RAB27B: variants seen among roughly 807,000 people sequenced by gnomAD.
RAB27B encodes the protein ras-related protein Rab-27B.
RAB27B carries 15 observed loss-of-function variants against 24.6 expected under a neutral mutation model. The observed-to-expected ratio is 0.61, with a 90% confidence interval of 0.41 to 0.94. The LOEUF is 0.94. RAB27B is among the 40% of genes least tolerant of loss of function. RAB27B has a pLI of 0.00. For synonymous variants in RAB27B, 105 were observed against 92.5 expected (o/e 1.14, Z -0.78); for missense variants, 261 against 266.8 (o/e 0.98, Z 0.15).
chr18:54,872,688 G>A (rs1000291106), intron 1 of RAB27B, among the ~76,000 whole-genome samples: 2 of 151,772 alleles, frequency 1.3e-5, no homozygotes, highest in Admixed American at 6.6e-5. Flanking sequence ...AAGCAATACA[G>A]TGAGTCTTTA....
intron 2 of RAB27B, among the ~76,000 whole-genome samples, chr18:54,759,410 C>G (rs368354130): frequency 1.7e-3 from 251 of 152,090 alleles, no homozygotes; most frequent in African/African-American, 5.5e-3. Context: ...AAACCTCCCT[C>G]AAATGAAGGC....
chr18:54,816,756 G>T (rs1426567064), intron 2 of RAB27B, among the ~76,000 whole-genome samples: 1 of 152,104 alleles, frequency 6.6e-6, no homozygotes, highest in Non-Finnish European at 1.5e-5. Context: ...GAGTTGTGGT[G>T]AGGCTAAGGG....
intron 2 of RAB27B, among the ~76,000 whole-genome samples, chr18:54,809,470 G>A (rs142001872): frequency 3.9e-5 from 6 of 152,310 alleles, no homozygotes; most frequent in Admixed American, 1.3e-4. Flanking sequence ...CTCAACCTGC[G>A]AGGTGAATCC....
chr18:54,743,557 C>A (rs752776919), intron 2 of RAB27B, among the ~76,000 whole-genome samples: 1 of 152,152 alleles, frequency 6.6e-6, no homozygotes, highest in Non-Finnish European at 1.5e-5. Context: ...ATGAGCCATT[C>A]AGACAATAAA....
intron 4 of RAB27B, among the ~76,000 whole-genome samples, chr18:54,886,878 C>T (rs1430853872): frequency 6.6e-6 from 1 of 152,076 alleles, no homozygotes; most frequent in Non-Finnish European, 1.5e-5. Context: ...AGGTAGCACA[C>T]AGCATGCCTT....
chr18:54,857,508 G>A (rs1263335921), intron 1 of RAB27B, among the ~76,000 whole-genome samples: 3 of 152,208 alleles, frequency 2.0e-5, no homozygotes, highest in African/African-American at 2.4e-5. Context: ...TATACAATTT[G>A]TATTGTAAAT....
chr18:54,888,069 C>A lies in RAB27B; in HGVS notation c.418C>A (p.Gln140Lys). The change falls in exon 5 of 6, where the codon CAG (glutamine) becomes AAG (lysine). Residue 140 changes from glutamine to lysine, a missense_variant. Transcript: ENST00000262094. ...LIGNKADLPD[Q>K]REVNERQARE... ...TGGCAACAAGGCAGACCTACCAGAT[C>A]AGAGGGAAGTCAATGAACGGCAAGC... 6.2e-7 allele frequency: 1 copy of A among 1,613,098 alleles called. No individual in the cohort carries two copies.
rs1032257854 is a variant in RAB27B at position 54,891,572 on chromosome 18, G to A, written c.*2159G>A. The A allele has an allele frequency of 2.6e-5, 4 of 152,024 alleles. No homozygotes were observed. The highest frequency in any genetic ancestry group is 5.9e-5 in the Non-Finnish European group (4 of 67,980). The allele number at this position is 152,024 out of a possible 1,614,324, so 9.4% of individuals were successfully genotyped here. A position where few individuals can be genotyped will look rare whatever the true frequency, so the allele number is the denominator to read the frequency against. On this transcript the variant is annotated 3_prime_UTR_variant, in exon 6 of 6. Transcript: ENST00000262094. ...GGTCATTATATCAATTTTTTCTTTG[G>A]ATTCAAATTGTAATGTCCCCTGCAT... is the stretch of plus-strand genomic sequence containing the variant.
chr18:54,884,248 T>C, intron 3 of RAB27B, 85 bp from the exon 4 acceptor site: 2 of 820,030 alleles, frequency 2.4e-6, no homozygotes, highest in Non-Finnish European at 4.1e-6. Flanking sequence ...GGAGAATTCA[T>C]ACCTGAAAGG....
intron 1 of RAB27B, among the ~76,000 whole-genome samples, chr18:54,865,379 TC>T (rs140997906): frequency 0.036 from 5,487 of 152,098 alleles, 344 homozygotes; most frequent in African/African-American, 0.13. Context: ...GGTATACCTG[TC>T]TGGGGAAATA....
chr18:54,724,146 G>T (rs1909453604), intron 2 of RAB27B, among the ~76,000 whole-genome samples: 1 of 151,512 alleles, frequency 6.6e-6, no homozygotes, highest in African/African-American at 2.4e-5. Context: ...CAAAATAAAG[G>T]TAAAACTGGC....
chr18:54,720,309 A>G (rs1428782238), intron 2 of RAB27B, among the ~76,000 whole-genome samples: 1 of 152,148 alleles, frequency 6.6e-6, no homozygotes, highest in African/African-American at 2.4e-5. Flanking sequence ...GTAGATATCA[A>G]TATTATACAG....
chr18:54,832,939 T>C (rs948344782), intron 1 of RAB27B, among the ~76,000 whole-genome samples: 2 of 152,114 alleles, frequency 1.3e-5, no homozygotes, highest in Non-Finnish European at 2.9e-5. Flanking sequence ...CTAAAGAGAA[T>C]TGAAAAGAGG....
chr18:54,739,405 G>A (rs1910002265), intron 2 of RAB27B, among the ~76,000 whole-genome samples: 1 of 145,040 alleles, frequency 6.9e-6, no homozygotes, highest in Non-Finnish European at 1.5e-5. Context: ...ACAGTGAGCT[G>A]AGATCCTGCC....
At chr18:54,777,968 CA>C (rs1286082724) in intron 2 of RAB27B, among the ~76,000 whole-genome samples, 4 of 151,768 alleles carry the variant, frequency 2.6e-5, no homozygotes, top group Non-Finnish European at 5.9e-5. Flanking sequence ...TATTGTCAGG[CA>C]ATGAAAACTT....
intron 1 of RAB27B, among the ~76,000 whole-genome samples, chr18:54,858,377 GTTTTTTTTTTT>G (rs4071703): frequency 3.1e-5 from 4 of 127,838 alleles, no homozygotes; most frequent in African/African-American, 1.2e-4. Context: ...CAGGAAAACT[GTTTTTTTTTTT>G]TTTTTTTTTT....
At chr18:54,736,022 A>C (rs1213354041) in intron 2 of RAB27B, among the ~76,000 whole-genome samples, 1 of 152,168 alleles carries the variant, frequency 6.6e-6, no homozygotes, top group Non-Finnish European at 1.5e-5. Flanking sequence ...AAAAATGTAT[A>C]ATATTACCAA....
At chr18:54,758,885 A>G (rs1313535865) in intron 2 of RAB27B, among the ~76,000 whole-genome samples, 1 of 152,176 alleles carries the variant, frequency 6.6e-6, no homozygotes, top group Non-Finnish European at 1.5e-5. Context: ...AACTTGCACA[A>G]TCCTGGGCCT....
intron 2 of RAB27B, among the ~76,000 whole-genome samples, chr18:54,767,804 T>C (rs1008641340): frequency 1.3e-5 from 2 of 152,172 alleles, no homozygotes; most frequent in African/African-American, 4.8e-5. Context: ...TATGACTGAG[T>C]TCTGCTTATT....
Sources: allele counts gnomAD v4.1 joint callset (sites outside exome capture counted in the v4.1 genomes callset), GRCh38; gene constraint gnomAD v4.1.1; transcripts MANE v1.5; gene names NCBI Gene and HGNC (gene_info 2026-07-23, HGNC 2026-07-21).